Variants in WDR5 observed in about 807,000 individuals in gnomAD.
WDR5 encodes WD repeat domain 5, also known as WD repeat-containing protein 5.
For missense variants in WDR5, 187 were observed against 416.9 expected (o/e 0.45, Z 4.80); for synonymous variants, 144 against 161.6 (o/e 0.89, Z 0.83).
Position 134,157,572 on chromosome 9 carries a change from G to C in WDR5, c.905-321G>C, listed in dbSNP as rs1024239541. ...CAGCCTCTGAGCCAGTCCTGCTGCC[G>C]CGCTCCTCCTTGTGGGCGCCGAGCT... On this transcript the variant is annotated intron_variant, in intron 13 of 13. Coordinates refer to ENST00000358625, the MANE Select transcript of WDR5 (RefSeq NM_017588.3). The surrounding 1 kb of genome is among the most constrained non-coding windows in gnomAD (Gnocchi z 5.0). 6.6e-6 allele frequency among the ~76,000 whole-genome samples: 1 copy of C among 152,136 alleles called. No individual in the cohort carries two copies.
chr9:134,139,264 G>A (rs1164532113), intron 1 of WDR5, among the ~76,000 whole-genome samples: 6 of 152,240 alleles, frequency 3.9e-5, no homozygotes, highest in Non-Finnish European at 5.9e-5. Flanking sequence ...AGGCAGCCTC[G>A]GGCCAGCAGC....
intron 8 of WDR5, among the ~76,000 whole-genome samples, chr9:134,150,309 A>T (rs1178914544): frequency 1.3e-5 from 2 of 152,242 alleles, no homozygotes; most frequent in African/African-American, 4.8e-5. Context: ...CTATTATCTA[A>T]TTCTACCAAC....
chr9:134,152,207 G>C (rs1832531924), intron 9 of WDR5, among the ~76,000 whole-genome samples, 178 bp downstream of exon 9: 1 of 152,264 alleles, frequency 6.6e-6, no homozygotes, highest in Admixed American at 6.5e-5. Flanking sequence ...CGCTGGCTCT[G>C]TTGCTCCTTC....
intron 1 of WDR5, 35 bp from the exon 2 acceptor site, chr9:134,139,785 T>C (rs28581991): frequency 0.49 from 668,964 of 1,353,934 alleles, 167,965 homozygotes; most frequent in East Asian, 0.61. Flanking sequence ...ATATAGTTTG[T>C]TTCTTGGCTC....
chr9:134,154,943 G>A (rs937451507), intron 10 of WDR5, among the ~76,000 whole-genome samples: 4 of 152,174 alleles, frequency 2.6e-5, no homozygotes, highest in Non-Finnish European at 4.4e-5. Flanking sequence ...TTTCCCATGC[G>A]TGCACCCTCA....
chr9:134,142,458 G>A, intron 6 of WDR5, 36 bp downstream of exon 6: 1 of 1,608,492 alleles, frequency 6.2e-7, no homozygotes, highest in Admixed American at 1.7e-5. Flanking sequence ...TGGGGGAGGT[G>A]GTGTCGGATG....
At chr9:134,147,152 T>G (rs1832250455) in intron 7 of WDR5, among the ~76,000 whole-genome samples, 1 of 152,288 alleles carries the variant, frequency 6.6e-6, no homozygotes, top group Admixed American at 6.5e-5. Context: ...GTTACCAAAG[T>G]AATTTCACTT....
Position 134,136,187 on chromosome 9 carries a change from C to T in WDR5, c.-72C>T, listed in dbSNP as rs1831540015. ...ACGCCCCGAGCGCCCGGCCCCGCCG[C>T]CGCGGCCCGGCAGGTAAGCGGGCAG... On this transcript the variant is annotated 5_prime_UTR_variant, in exon 1 of 14. Transcript: ENST00000358625. 6.8e-6 allele frequency: 1 copy of T among 147,734 alleles called. No individual in the cohort carries two copies. Among genetic ancestry groups the T allele is most frequent in the African/African-American group, 2.4e-5 (1 of 41,006 alleles). The allele number at this position is 147,734 out of a possible 1,614,324, so 9.2% of individuals were successfully genotyped here.
chr9:134,148,093 G>T (rs1019456709), intron 7 of WDR5, among the ~76,000 whole-genome samples, 195 bp from the exon 8 acceptor site: 2 of 151,952 alleles, frequency 1.3e-5, no homozygotes, highest in African/African-American at 4.8e-5. Context: ...AACCTGGGAG[G>T]TGGAGGTTGC....
chr9:134,156,610 C>T lies in WDR5; in HGVS notation c.904+17C>T. The T allele has an allele frequency of 6.2e-7, 1 of 1,613,032 alleles. No individual in the cohort carries two copies. Among genetic ancestry groups the T allele is most frequent in the Non-Finnish European group, 8.5e-7 (1 of 1,179,068 alleles). ...GCCACACAGGTGAGGGCCTGCGCTC[C>T]TGCAGTCACTGGCTGCCTGTTGATG... On this transcript the variant is annotated intron_variant, in intron 13 of 13. Coordinates refer to ENST00000358625, the MANE Select transcript of WDR5 (RefSeq NM_017588.3).
At chr9:134,149,520 C>T (rs994656519) in intron 8 of WDR5, among the ~76,000 whole-genome samples, 2 of 152,170 alleles carry the variant, frequency 1.3e-5, no homozygotes, top group Non-Finnish European at 2.9e-5. Context: ...GAGCTATGGG[C>T]GAGCGTGGAG....
intron 9 of WDR5, among the ~76,000 whole-genome samples, chr9:134,152,702 C>T (rs1464252927): frequency 2.6e-5 from 4 of 152,310 alleles, no homozygotes; most frequent in Admixed American, 6.5e-5. Flanking sequence ...GATGGACCCC[C>T]GTGTGGGGAG....
chr9:134,142,524 A>G (rs1831946357), intron 6 of WDR5, 102 bp downstream of exon 6: 16 of 1,556,130 alleles, frequency 1.0e-5, no homozygotes, highest in Admixed American at 1.7e-5. Context: ...GTGGGCCCTG[A>G]GTCCTTTCTG....
At chr9:134,152,486 G>T (rs1418623397) in intron 9 of WDR5, among the ~76,000 whole-genome samples, 1 of 152,240 alleles carries the variant, frequency 6.6e-6, no homozygotes, top group African/African-American at 2.4e-5. Context: ...GAGGGACGTG[G>T]CGTGGCCTGG....
At chr9:134,143,773 C>G (rs1022870275) in intron 7 of WDR5, among the ~76,000 whole-genome samples, 5 of 151,594 alleles carry the variant, frequency 3.3e-5, no homozygotes, top group Non-Finnish European at 7.4e-5. Context: ...CCTTGGCCTC[C>G]CAAAATGCTG....
intron 2 of WDR5, among the ~76,000 whole-genome samples, chr9:134,140,311 G>A (rs1459302658): frequency 6.6e-6 from 1 of 152,178 alleles, no homozygotes; most frequent in Non-Finnish European, 1.5e-5. Flanking sequence ...AAGGGAGCAG[G>A]GCTTCAGTGT....
At chr9:134,142,822 T>C in intron 7 of WDR5, 103 bp downstream of exon 7, 1 of 1,168,878 alleles carries the variant, frequency 8.6e-7, no homozygotes, top group Non-Finnish European at 1.3e-6. Context: ...GGCCATGGCC[T>C]GTGCCTAGCT....
rs1051490166 is a variant in WDR5, at chr9:134,155,896, C to G, written c.816+129C>G. 3.4e-6 allele frequency: 3 copies of G among 875,548 alleles called. No individual in the cohort carries two copies. The African/African-American group carries it at 5.0e-5, about 15-fold the overall frequency. 54.2% of individuals were successfully genotyped at this position (875,548 alleles called of 1,614,324 possible). ...CCACAAAATGAATTTCCATTTCAAC[C>G]AAAGCGCACTGCGCCAAGTACCGGG... On this transcript the variant is annotated intron_variant, in intron 12 of 13. Coordinates refer to ENST00000358625, the MANE Select transcript of WDR5 (RefSeq NM_017588.3).
At chr9:134,152,166 C>A in intron 9 of WDR5, 137 bp downstream of exon 9, 1 of 1,016,430 alleles carries the variant, frequency 9.8e-7, no homozygotes, top group Non-Finnish European at 1.4e-6. Context: ...TCCTCCGTGT[C>A]CGACCGTTCC....
Sources: allele counts gnomAD v4.1 joint callset (sites outside exome capture counted in the v4.1 genomes callset), GRCh38; gene constraint gnomAD v4.1.1; non-coding constraint Gnocchi (gnomAD v3.1); transcripts MANE v1.5; gene names NCBI Gene and HGNC (gene_info 2026-07-23, HGNC 2026-07-21).